Variants in DPH6 observed in about 807,000 individuals in gnomAD.
DPH6 encodes diphthine--ammonia ligase.
Under a neutral mutation model 38.2 loss-of-function variants are expected in DPH6, and 33 were observed. The observed-to-expected ratio is 0.86, with a 90% CI of 0.65 to 1.15. DPH6 has a LOEUF of 1.15. Among genes scored for constraint, DPH6 ranks in the 50% most tolerant of loss-of-function variants. DPH6 has a pLI of 0.00. For missense variants in DPH6, 325 were observed against 320.0 expected, an observed-to-expected ratio of 1.02 and a Z score of -0.12; for synonymous variants, 108 against 103.0, an observed-to-expected ratio of 1.05 and a Z score of -0.30.
chr15:35,251,065 C>G (rs1265330533), intron 3 of DPH6, among the ~76,000 whole-genome samples: 1 of 152,130 alleles, frequency 6.6e-6, no homozygotes, highest in African/African-American at 2.4e-5. Flanking sequence ...ACACATGGAT[C>G]AGTTTCTTTT....
At position 35,352,155 on chromosome 15, in the gene DPH6, T is replaced by A. The variant is rs571083830; in HGVS notation, n.208-21078A>T. ...GATTACAGTATTACAATTTTCTGAG[T>A]TTGTCTTTATGTTTAGCTTTCATAC... On this transcript the variant is annotated intron_variant and non_coding_transcript_variant, in intron 3 of 3. Transcript: ENST00000558973. Among the ~76,000 whole-genome samples, 3 of 152,292 alleles carry A rather than the reference T, an allele frequency of 2.0e-5. No homozygotes were observed. The East Asian group carries it at 5.8e-4, about 29-fold the overall frequency.
chr15:35,477,366 G>A (rs924955406), intron 3 of DPH6, among the ~76,000 whole-genome samples: 4 of 151,440 alleles, frequency 2.6e-5, no homozygotes, highest in African/African-American at 4.8e-5. Flanking sequence ...TATACAACAC[G>A]AAATATTTTT....
chr15:35,359,500 C>T (rs2052595532), intron 3 of DPH6, among the ~76,000 whole-genome samples: 1 of 152,158 alleles, frequency 6.6e-6, no homozygotes, highest in African/African-American at 2.4e-5. Context: ...CCTGTGGTGC[C>T]AGGCAGGAAT....
chr15:35,283,781 C>T (rs1217554805), intron 3 of DPH6, among the ~76,000 whole-genome samples: 1 of 151,092 alleles, frequency 6.6e-6, no homozygotes, highest in East Asian at 1.9e-4. Context: ...CACACACACA[C>T]ACACACACAC....
At chr15:35,292,767 T>G (rs951012623) in intron 3 of DPH6, among the ~76,000 whole-genome samples, 2 of 152,204 alleles carry the variant, frequency 1.3e-5, no homozygotes, top group African/African-American at 4.8e-5. Context: ...AATGTACTTT[T>G]TTTTAAAAGT....
At chr15:35,413,030 T>C (rs559071136) in intron 5 of DPH6, among the ~76,000 whole-genome samples, 7 of 151,700 alleles carry the variant, frequency 4.6e-5, no homozygotes, top group African/African-American at 1.4e-4. Flanking sequence ...TTTTAACAAA[T>C]GTACAACTCT....
At chr15:35,525,997 T>G (rs2054995467) in intron 3 of DPH6, among the ~76,000 whole-genome samples, 1 of 152,236 alleles carries the variant, frequency 6.6e-6, no homozygotes, top group African/African-American at 2.4e-5. Context: ...CTTATTATAA[T>G]GCTTTCTGTA....
At chr15:35,356,006 C>CT (rs971479894) in intron 3 of DPH6, among the ~76,000 whole-genome samples, 2 of 152,174 alleles carry the variant, frequency 1.3e-5, no homozygotes, top group African/African-American at 4.8e-5. Flanking sequence ...TTTCTCTAAA[C>CT]TTCTGTTCTC....
At chr15:35,436,529 C>T (rs2053716951) in intron 5 of DPH6, among the ~76,000 whole-genome samples, 1 of 43,920 alleles carries the variant, frequency 2.3e-5, no homozygotes, top group African/African-American at 5.4e-5. Flanking sequence ...AAGGTTCTCT[C>T]CCTGTTCGTC....
At chr15:35,183,946 A>G in the DPH6 span, among the ~76,000 whole-genome samples, 74 of 152,236 alleles carry the variant, frequency 4.9e-4, no homozygotes, top group Non-Finnish European at 9.7e-4. Flanking sequence ...GGCTAAAAGT[A>G]GTACTTAGAT....
At chr15:35,231,676 A>T (rs555790431) in intron 3 of DPH6, among the ~76,000 whole-genome samples, 21 of 152,302 alleles carry the variant, frequency 1.4e-4, no homozygotes, top group Admixed American at 4.6e-4. Flanking sequence ...GTAATTTATG[A>T]ATAAGAGATT....
chr15:35,238,742 C>T (rs908033420), intron 3 of DPH6, among the ~76,000 whole-genome samples: 5 of 152,206 alleles, frequency 3.3e-5, no homozygotes, highest in South Asian at 2.1e-4. Flanking sequence ...GGCCCTGCCC[C>T]GCCTTAACTG....
downstream of DPH6, among the ~76,000 whole-genome samples, chr15:35,328,084 T>C (rs566852850): frequency 9.8e-5 from 15 of 152,316 alleles, no homozygotes; most frequent in East Asian, 2.9e-3. Flanking sequence ...AACTTCCATG[T>C]ACTTGGACGA....
chr15:35,417,252 T>A (rs1183714087), intron 5 of DPH6, among the ~76,000 whole-genome samples: 3 of 152,160 alleles, frequency 2.0e-5, no homozygotes, highest in South Asian at 2.1e-4. Flanking sequence ...TTAAAATACT[T>A]TTAAAACAAA....
the DPH6 span, among the ~76,000 whole-genome samples, chr15:35,203,290 T>C: frequency 6.6e-5 from 10 of 151,698 alleles, no homozygotes; most frequent in South Asian, 2.1e-4. Flanking sequence ...AGACATTTCA[T>C]TGGATTCACA....
intron 3 of DPH6, among the ~76,000 whole-genome samples, chr15:35,323,663 A>C (rs1205020452): frequency 6.6e-6 from 1 of 152,158 alleles, no homozygotes; most frequent in Non-Finnish European, 1.5e-5. Flanking sequence ...AATTCATTTA[A>C]AAGTAAGGAT....
chr15:35,265,083 A>G (rs1429365779), intron 3 of DPH6, among the ~76,000 whole-genome samples: 2 of 152,220 alleles, frequency 1.3e-5, no homozygotes, highest in Non-Finnish European at 2.9e-5. Context: ...ACAGTGAAAA[A>G]TAATCCATCT....
chr15:35,488,478 G>A (rs1311810242), intron 3 of DPH6, among the ~76,000 whole-genome samples: 1 of 152,184 alleles, frequency 6.6e-6, no homozygotes, highest in East Asian at 1.9e-4. Context: ...AGCAAGACAT[G>A]TCTTACATGG....
chr15:35,407,990 T>C (rs891009576), intron 6 of DPH6, among the ~76,000 whole-genome samples: 2 of 151,968 alleles, frequency 1.3e-5, no homozygotes, highest in Non-Finnish European at 2.9e-5. Flanking sequence ...TCTATATAAA[T>C]AACGGATCAT....
Sources: gnomAD v4.1 joint callset for allele counts (sites outside exome capture counted in the v4.1 genomes callset) on GRCh38, gnomAD v4.1.1 for gene constraint, MANE v1.5 for transcripts, NCBI Gene and HGNC (gene_info 2026-07-23, HGNC 2026-07-21) for gene names.